The following GLI2 variants were observed in gnomAD, a reference collection of about 807,000 sequenced individuals.
GLI2 encodes GLI family zinc finger 2, also known as transcription activator GLI2.
A neutral mutation model predicts 78.9 loss-of-function variants in GLI2; 22 were observed. The observed-to-expected ratio is 0.28, with a 90% confidence interval of 0.20 to 0.40. The LOEUF is 0.40. Ranked by LOEUF, GLI2 falls within the 10% of genes least tolerant of loss-of-function variation. The pLI is 1.00. For missense variants in GLI2, 2,097 were observed against 2,213.2 expected (o/e 0.95, Z 1.05); for synonymous variants, 974 against 963.7 (o/e 1.01, Z -0.20).
chr2:120,885,829 T>G (rs1473704406), intron 2 of GLI2, among the ~76,000 whole-genome samples: 1 of 152,232 alleles, frequency 6.6e-6, no homozygotes, highest in Non-Finnish European at 1.5e-5. Context: ...CCTGGTCATG[T>G]GTGGGAGCGG....
intron 1 of GLI2, among the ~76,000 whole-genome samples, chr2:120,770,210 C>T (rs1426893462): frequency 6.6e-6 from 1 of 152,224 alleles, no homozygotes; most frequent in African/African-American, 2.4e-5. Context: ...ACAAACACAT[C>T]CACTGTTCTC....
intron 2 of GLI2, among the ~76,000 whole-genome samples, chr2:120,919,784 T>G (rs1390772456): frequency 6.6e-6 from 1 of 152,214 alleles, no homozygotes; most frequent in Non-Finnish European, 1.5e-5. Context: ...CATGCGCCCT[T>G]CCTTGATTTC....
intron 2 of GLI2, among the ~76,000 whole-genome samples, chr2:120,869,461 A>G (rs1273388913): frequency 6.6e-6 from 1 of 152,180 alleles, no homozygotes; most frequent in Non-Finnish European, 1.5e-5. Flanking sequence ...GCCCTCACCA[A>G]TAGGATCCTT....
intron 2 of GLI2, among the ~76,000 whole-genome samples, chr2:120,888,492 C>A (rs769953885): frequency 1.3e-5 from 2 of 152,134 alleles, no homozygotes; most frequent in African/African-American, 4.8e-5. Flanking sequence ...TCTCTTCAGA[C>A]AGGAGAGACC....
At chr2:120,810,811 G>C (rs960984858) in intron 2 of GLI2, among the ~76,000 whole-genome samples, 4 of 152,224 alleles carry the variant, frequency 2.6e-5, no homozygotes, top group Non-Finnish European at 4.4e-5. Context: ...AGCTAAGCTT[G>C]AGGCTCCAGT....
At chr2:120,910,564 C>T (rs931884217) in intron 2 of GLI2, among the ~76,000 whole-genome samples, 2 of 152,222 alleles carry the variant, frequency 1.3e-5, no homozygotes, top group African/African-American at 2.4e-5. Flanking sequence ...CTTGGGGACC[C>T]GGGGTGGGCC....
intron 5 of GLI2, among the ~76,000 whole-genome samples, chr2:120,960,714 G>T (rs1215021676): frequency 6.6e-6 from 1 of 152,198 alleles, no homozygotes; most frequent in Non-Finnish European, 1.5e-5. Context: ...TGGAAGAAAG[G>T]CCAGAAGCTA....
At chr2:120,969,008 C>T (rs1468437023) in intron 6 of GLI2, 93 bp downstream of exon 6, 9 of 909,462 alleles carry the variant, frequency 9.9e-6, no homozygotes, top group East Asian at 5.2e-5. Flanking sequence ...GCTTTTGACC[C>T]GAGGAGAAAG....
chr2:120,881,857 A>C lies in GLI2; in HGVS notation c.149-45504A>C, dbSNP rs566424932. 2.1e-5 allele frequency among the ~76,000 whole-genome samples: 3 copies of C among 145,230 alleles called. No homozygotes were observed. The East Asian group carries it at 6.4e-4, about 31-fold the overall frequency. ...AGGGCAAGACAGGTGGGAGAGGGGC[A>C]TGTGGGAAGGAGGGCAGGTGGAGCT... On this transcript the variant is annotated intron_variant, in intron 2 of 13. Coordinates refer to ENST00000361492, the MANE Select transcript of GLI2 (RefSeq NM_001374353.1).
chr2:120,740,619 G>C (rs1226668819), intron 1 of GLI2, among the ~76,000 whole-genome samples: 1 of 152,170 alleles, frequency 6.6e-6, no homozygotes, highest in Non-Finnish European at 1.5e-5. Context: ...CCCCGAGCTC[G>C]TCATCTGCCT....
chr2:120,964,637 G>A (rs1214500624), intron 5 of GLI2, among the ~76,000 whole-genome samples: 1 of 152,236 alleles, frequency 6.6e-6, no homozygotes, highest in Non-Finnish European at 1.5e-5. Flanking sequence ...TAGCAGGCAC[G>A]TGCTGTAGGA....
intron 13 of GLI2, 28 bp from the exon 14 acceptor site, chr2:120,988,180 C>A (rs758547342): frequency 6.4e-7 from 1 of 1,571,566 alleles, no homozygotes; most frequent in East Asian, 2.4e-5. Flanking sequence ...ACCCTTGTCC[C>A]GGTGCTGACC....
chr2:120,806,532 G>A (rs1246899955), intron 2 of GLI2, among the ~76,000 whole-genome samples: 1 of 152,162 alleles, frequency 6.6e-6, no homozygotes, highest in Non-Finnish European at 1.5e-5. Context: ...GGGAGGAGGA[G>A]GGGCAGAGTG....
Position 120,855,810 on chromosome 2 carries a change from G to T in GLI2, c.148+58342G>T, listed in dbSNP as rs368797897. Among the ~76,000 whole-genome samples, 195 of 152,306 alleles carry T rather than the reference G, an allele frequency of 1.3e-3. 2 individuals carry two copies. Among genetic ancestry groups the T allele is most frequent in the African/African-American group, 4.4e-3 (183 of 41,570 alleles). On this transcript the variant is annotated intron_variant, in intron 2 of 13. Transcript: ENST00000361492. The stretch of plus-strand genomic sequence containing the variant: ...CCTGAGGTCCCACAGCTGGTAAGGG[G>T]TGGAGCAGCCTTCCAGCCCTGGCTC...
chr2:120,828,861 CAAAAAAA>C (rs3053863), intron 2 of GLI2, among the ~76,000 whole-genome samples: 2 of 125,978 alleles, frequency 1.6e-5, no homozygotes, highest in Admixed American at 8.4e-5. Context: ...CTTCCAACTC[CAAAAAAA>C]AAAAAAAAAG....
At position 120,851,188 on chromosome 2, in the gene GLI2, C is replaced by G. The variant is rs540899018; in HGVS notation, c.148+53720C>G. Among the ~76,000 whole-genome samples, 9 of 152,038 alleles carry G rather than the reference C, an allele frequency of 5.9e-5. No individual in the cohort carries two copies. The South Asian group carries it at 1.3e-3, about 21-fold the overall frequency. On this transcript the variant is annotated intron_variant, in intron 2 of 13. Transcript: ENST00000361492. ...TAAAATGAAAGAACTTGCATGGGCC[C>G]CAGTTTGTAACAAGAACTCATTGGG...
chr2:120,988,746 G>A lies in GLI2; in HGVS notation c.2781G>A (p.Pro927=), dbSNP rs2105088201. 1 of 1,217,298 alleles carries A rather than the reference G, an allele frequency of 8.2e-7. No individual in the cohort carries two copies. Among genetic ancestry groups the A allele is most frequent in the Non-Finnish European group, 1.0e-6 (1 of 976,386 alleles). 75.4% of individuals were successfully genotyped at this position (1,217,298 alleles called of 1,614,324 possible). ...PLGPRRGSDG[P]TYGHGHAGAA... The stretch of plus-strand genomic sequence containing the variant: ...GGCCGCGGCGTGGCAGCGACGGGCC[G>A]ACCTATGGCCACGGCCACGCGGGGG... Residue 927 remains proline, a synonymous_variant, in exon 14 of 14, where the codon CCG becomes CCA. Transcript: ENST00000361492.
At chr2:120,955,128 A>ACACCAGGTGT (rs1681180367) in intron 4 of GLI2, 117 bp from the exon 5 acceptor site, 2 of 720,490 alleles carry the variant, frequency 2.8e-6, no homozygotes, top group Non-Finnish European at 2.4e-6. Flanking sequence ...AGAAACCCCG[A>ACACCAGGTGT]CACCAGGTGT....
intron 5 of GLI2, among the ~76,000 whole-genome samples, chr2:120,966,019 A>G (rs1287745690): frequency 1.3e-5 from 2 of 152,224 alleles, no homozygotes; most frequent in Admixed American, 1.3e-4. Flanking sequence ...TCATAGCCCA[A>G]TAGAATAAAC....
Sources: gnomAD v4.1 joint callset for allele counts (sites outside exome capture counted in the v4.1 genomes callset) on GRCh38, gnomAD v4.1.1 for gene constraint, MANE v1.5 for transcripts, NCBI Gene and HGNC (gene_info 2026-07-23, HGNC 2026-07-21) for gene names.